Variants in TRMT2B observed in about 807,000 individuals in gnomAD.
TRMT2B encodes tRNA methyltransferase 2B.
In TRMT2B, 34 loss-of-function variants were observed where a neutral mutation model predicts 39.7. That is an observed-to-expected ratio of 0.86 (90% CI 0.65 to 1.14). The LOEUF (loss-of-function observed/expected upper bound fraction) is 1.14. Ranked by LOEUF, TRMT2B falls within the 50% of genes most tolerant of loss-of-function variation. The pLI, the probability that TRMT2B is intolerant of heterozygous loss-of-function variation, is 0.00. For synonymous variants in TRMT2B, 132 were observed against 137.3 expected, an observed-to-expected ratio of 0.96 and a Z score of 0.27; for missense variants, 318 against 377.2, an observed-to-expected ratio of 0.84 and a Z score of 1.30.
At chrX:101,047,028 T>C (rs1197264266) in intron 2 of TRMT2B, among the ~76,000 whole-genome samples, 1 of 110,805 alleles carries the variant, frequency 9.0e-6, no homozygotes, top group Non-Finnish European at 1.9e-5. Flanking sequence ...GCCCAGGAGT[T>C]TGAGACCAGC....
the TRMT2B span, among the ~76,000 whole-genome samples, chrX:100,988,740 C>A: frequency 9.3e-6 from 1 of 106,988 alleles, no homozygotes; most frequent in Non-Finnish European, 1.9e-5. Context: ...CAGCATGATG[C>A]CCCAGCACTG....
chrX:101,028,589 G>A (rs1038326484), intron 7 of TRMT2B, among the ~76,000 whole-genome samples: 2 of 111,068 alleles, frequency 1.8e-5, no homozygotes, highest in Non-Finnish European at 3.8e-5. Context: ...ATCCAACCAC[G>A]CCCCCACCAA....
chrX:101,019,282 A>T lies in TRMT2B; in HGVS notation c.1288+2T>A. On this transcript the variant is annotated splice_donor_variant, in intron 12 of 13. Coordinates refer to ENST00000372936, the MANE Select transcript of TRMT2B (RefSeq NM_024917.6). LOFTEE classifies it high-confidence loss of function. ...AACATCAAAATAGCTGTTCATCCTT[A>T]CGCAGTCCGGCACGGGCTGGGTTCA... 1 of 1,211,700 alleles carries T rather than the reference A, an allele frequency of 8.3e-7. No individual in the cohort carries two copies. Among genetic ancestry groups the T allele is most frequent in the South Asian group, 1.8e-5 (1 of 56,980 alleles).
intron 4 of TRMT2B, among the ~76,000 whole-genome samples, chrX:101,039,783 C>T (rs1360511034): frequency 9.1e-6 from 1 of 109,351 alleles, no homozygotes; most frequent in Non-Finnish European, 1.9e-5. Context: ...GCCTATAGTC[C>T]CAACTACTAG....
chrX:100,988,056 G>T, the TRMT2B span: 25 of 472,537 alleles, frequency 5.3e-5, no homozygotes, highest in African/African-American at 5.4e-4. Flanking sequence ...GGAGCAAAAG[G>T]CCTAAACATC....
chrX:101,004,498 T>G (rs1348033070), downstream of TRMT2B, among the ~76,000 whole-genome samples: 1 of 100,518 alleles, frequency 9.9e-6, no homozygotes, highest in Non-Finnish European at 2.1e-5. Flanking sequence ...TTTTGTTTCG[T>G]TTTTGTTTTT....
chrX:100,974,340 C>A, the TRMT2B span: 1 of 460,401 alleles, frequency 2.2e-6, no homozygotes. Flanking sequence ...CACACACGCA[C>A]ACACACACAT....
At chrX:100,991,665 C>A in the TRMT2B span, among the ~76,000 whole-genome samples, 1 of 112,176 alleles carries the variant, frequency 8.9e-6, no homozygotes, top group African/African-American at 3.2e-5. Flanking sequence ...TGAGCCACCG[C>A]GCCCGGCCCA....
At chrX:101,039,401 TAC>T (rs990737426) in intron 4 of TRMT2B, among the ~76,000 whole-genome samples, 2 of 112,119 alleles carry the variant, frequency 1.8e-5, no homozygotes, top group African/African-American at 3.2e-5. Flanking sequence ...TTAATTAATT[TAC>T]AGAGTCAGCC....
Position 101,016,061 on chromosome X carries a change from T to G in TRMT2B, c.1388+2910A>C, listed in dbSNP as rs1487506824. ...CTCCAACCTGGGTGACGGAGTGAGATTCAGTCTCAAAAAAACAAAACAAAA... is the reference window on the plus strand; with the variant it reads ...CTCCAACCTGGGTGACGGAGTGAGAGTCAGTCTCAAAAAAACAAAACAAAA... On this transcript the variant is annotated intron_variant, in intron 13 of 13. Coordinates refer to ENST00000372936, the MANE Select transcript of TRMT2B (RefSeq NM_024917.6). Among the ~76,000 whole-genome samples, 14 of 111,141 alleles carry G rather than the reference T, an allele frequency of 1.3e-4. No homozygotes were observed. In the Admixed American group the frequency reaches 1.4e-3, roughly 11 times the overall value.
chrX:101,019,173 G>C, intron 12 of TRMT2B, 103 bp from the exon 13 acceptor site: 1 of 1,136,041 alleles, frequency 8.8e-7, no homozygotes, highest in Non-Finnish European at 1.2e-6. Flanking sequence ...GAAATAGAGG[G>C]GAAACAGGTT....
At chrX:101,022,098 C>T in intron 8 of TRMT2B, 36 bp from the exon 9 acceptor site, 2 of 1,081,196 alleles carry the variant, frequency 1.8e-6, no homozygotes, top group Non-Finnish European at 2.6e-6. Context: ...TAAGCAAAGA[C>T]TCATCTCTGA....
At chrX:100,999,981 C>T in the TRMT2B span, among the ~76,000 whole-genome samples, 45 of 111,845 alleles carry the variant, frequency 4.0e-4, no homozygotes, top group East Asian at 2.2e-3. Context: ...ACAAAATTTG[C>T]ACTCATTGGT....
intron 13 of TRMT2B, among the ~76,000 whole-genome samples, chrX:101,010,938 G>T (rs1385037484): frequency 9.0e-6 from 1 of 111,464 alleles, no homozygotes; most frequent in Non-Finnish European, 1.9e-5. Context: ...TTCATCTCTG[G>T]GTTCCCAGTA....
rs573742487 is a variant in TRMT2B, at chrX:101,022,688, T to C, written c.757-626A>G. 1.2e-4 allele frequency among the ~76,000 whole-genome samples: 13 copies of C among 110,109 alleles called. No individual in the cohort carries two copies. In the South Asian group the frequency reaches 5.1e-3, roughly 43 times the overall value. On this transcript the variant is annotated intron_variant, in intron 8 of 13. Coordinates refer to ENST00000372936, the MANE Select transcript of TRMT2B (RefSeq NM_024917.6). ...GACGTATGCCTGTAGTCCCAGTTAC[T>C]TGAGAGGCTGAGGTGGGAAGATTGC...
At chrX:100,976,311 G>A in the TRMT2B span, among the ~76,000 whole-genome samples, 1 of 110,705 alleles carries the variant, frequency 9.0e-6, no homozygotes, top group Admixed American at 9.6e-5. Flanking sequence ...TATTTTGCCT[G>A]TGAGAATGGT....
chrX:101,009,829 G>A lies in TRMT2B; in HGVS notation c.*752C>T, dbSNP rs1456677413. On this transcript the variant is annotated 3_prime_UTR_variant, in exon 14 of 14. Transcript: ENST00000372936. ...GCTTACCCTGCTTTTAAAAAACCTC[G>A]ACTGTTTCTGGTTTTAATCCTTAAC... 4 of 108,007 alleles carry A rather than the reference G, an allele frequency of 3.7e-5. No individual in the cohort carries two copies. Among genetic ancestry groups the A allele is most frequent in the Non-Finnish European group, 5.7e-5 (3 of 52,434 alleles). The allele number at this position is 108,007 out of a possible 1,213,427, so 8.9% of individuals were successfully genotyped here.
chrX:101,041,304 G>A lies in TRMT2B; in HGVS notation c.303+13C>T, dbSNP rs199656112. ...CTGGAAAGGAGGGGTAAAGACTTAGGCTGGGCACCTACCTTGAGCTGTTCT... is the reference window on the plus strand; with the variant it reads ...CTGGAAAGGAGGGGTAAAGACTTAGACTGGGCACCTACCTTGAGCTGTTCT... On this transcript the variant is annotated intron_variant, in intron 4 of 13. Transcript: ENST00000372936. 1.4e-4 allele frequency: 173 copies of A among 1,205,734 alleles called. No homozygotes were observed. Among genetic ancestry groups the A allele is most frequent in the Non-Finnish European group, 4.4e-5 (39 of 891,939 alleles).
chrX:100,999,287 A>C, the TRMT2B span, among the ~76,000 whole-genome samples: 12,576 of 112,208 alleles, frequency 0.11, 582 homozygotes, highest in African/African-American at 0.13. Flanking sequence ...AAAATTGTTA[A>C]GTGTCAGACA....
Sources: gnomAD v4.1 joint callset for allele counts (sites outside exome capture counted in the v4.1 genomes callset) on GRCh38, gnomAD v4.1.1 for gene constraint, MANE v1.5 for transcripts, NCBI Gene and HGNC (gene_info 2026-07-23, HGNC 2026-07-21) for gene names.